ACACA: variants seen among roughly 807,000 people sequenced by gnomAD.
The protein encoded by ACACA is acetyl-CoA carboxylase alpha.
Under a neutral mutation model 296.1 loss-of-function variants are expected in ACACA, and 103 were observed. The observed-to-expected ratio is 0.35, with a 90% CI of 0.30 to 0.41. The LOEUF (loss-of-function observed/expected upper bound fraction) is 0.41, where lower values mean the gene tolerates loss of function less well. ACACA is among the 10% of genes least tolerant of loss of function. The pLI, the probability that ACACA is intolerant of heterozygous loss-of-function variation, is 1.00. For missense variants in ACACA, 1,554 were observed against 2,989.7 expected (o/e 0.52, Z 11.20); for synonymous variants, 953 against 1,038.6 (o/e 0.92, Z 1.58).
At chr17:37,242,145 T>C in intron 22 of ACACA, 92 bp from the exon 23 acceptor site, 1 of 954,582 alleles carries the variant, frequency 1.0e-6, no homozygotes, top group Non-Finnish European at 1.7e-6. Context: ...GGAATCTTCT[T>C]CTTATAACAT....
chr17:37,384,010 A>G (rs940099777), intron 1 of ACACA, among the ~76,000 whole-genome samples: 1 of 152,218 alleles, frequency 6.6e-6, no homozygotes, highest in African/African-American at 2.4e-5. Context: ...TCATGCCTGT[A>G]ATCCCAGCAC....
At chr17:37,096,240 G>A (rs562848285) in intron 54 of ACACA, among the ~76,000 whole-genome samples, 12 of 152,254 alleles carry the variant, frequency 7.9e-5, no homozygotes, top group South Asian at 4.1e-4. Flanking sequence ...AAATACCTGA[G>A]TGGTTTCCGA....
At chr17:37,176,010 A>T (rs149983964) in intron 41 of ACACA, among the ~76,000 whole-genome samples, 5 of 152,314 alleles carry the variant, frequency 3.3e-5, no homozygotes, top group African/African-American at 1.2e-4. Flanking sequence ...CTCAAATGGC[A>T]AAGAAGTTAC....
chr17:37,139,309 C>A (rs1032280820), intron 45 of ACACA, among the ~76,000 whole-genome samples: 2 of 152,226 alleles, frequency 1.3e-5, no homozygotes, highest in Non-Finnish European at 2.9e-5. Context: ...ACCCTACATG[C>A]CACCCAAAGT....
chr17:37,326,917 C>G (rs1371625883), intron 3 of ACACA, among the ~76,000 whole-genome samples: 1 of 152,124 alleles, frequency 6.6e-6, no homozygotes, highest in Non-Finnish European at 1.5e-5. Context: ...TCATCTCCAT[C>G]GCAGGAAAAG....
intron 52 of ACACA, among the ~76,000 whole-genome samples, chr17:37,099,482 G>A (rs941815141): frequency 1.4e-5 from 2 of 142,366 alleles, no homozygotes; most frequent in Admixed American, 7.1e-5. Flanking sequence ...GAGGGCTGAT[G>A]GGAGGAGGGC....
chr17:37,400,385 G>A (rs1412845574), intron 1 of ACACA, among the ~76,000 whole-genome samples: 1 of 152,152 alleles, frequency 6.6e-6, no homozygotes, highest in Non-Finnish European at 1.5e-5. Context: ...CTCCCAAAGT[G>A]CTGGGATTAC....
chr17:37,119,645 C>A (rs1227501119), intron 50 of ACACA, among the ~76,000 whole-genome samples: 1 of 142,964 alleles, frequency 7.0e-6, no homozygotes, highest in Non-Finnish European at 1.5e-5. Flanking sequence ...CACACACAAT[C>A]AACCTAGTCA....
In ACACA at chr17:37,177,867, G is replaced by T. The variant is rs193270885; in HGVS notation, c.5079+1393C>A. Among the ~76,000 whole-genome samples the T allele has an allele frequency of 5.3e-3, 808 of 152,194 alleles. 6 individuals are homozygous for T. Among genetic ancestry groups the T allele is most frequent in the Non-Finnish European group, 7.7e-3 (524 of 68,020 alleles). On this transcript the variant is annotated intron_variant, in intron 41 of 55. Transcript: ENST00000616317. ...CCTACAAGTCTGATACTCTCCATCT[G>T]GTCCAATGCTTGCATCCATCTTGAT...
rs1336858142 is a variant in ACACA at position 37,092,490 on chromosome 17, T to C, written c.6892-3416A>G. Among the ~76,000 whole-genome samples, 15 of 152,340 alleles carry C rather than the reference T, an allele frequency of 9.8e-5. No homozygotes were observed. The South Asian group carries it at 1.4e-3, about 15-fold the overall frequency. On this transcript the variant is annotated intron_variant, in intron 54 of 55. Transcript: ENST00000616317. ...CCTAAAATGAATGTTCAACAGACAC[T>C]TTCTGTCTGCATCAGTGGATAAGTA...
rs774798958 is a variant in ACACA at position 37,283,253 on chromosome 17, T to C, written c.610+14A>G. 6.2e-7 allele frequency: 1 copy of C among 1,614,124 alleles called. No homozygotes were observed. The highest frequency in any genetic ancestry group is 1.1e-5 in the South Asian group (1 of 91,076). ...AGTTTTGAGAGTGATGCTTTCATAATGCTAATAACTCACCTGCATTGGCTT... is the reference window on the plus strand; with the variant it reads ...AGTTTTGAGAGTGATGCTTTCATAACGCTAATAACTCACCTGCATTGGCTT... On this transcript the variant is annotated intron_variant, in intron 5 of 55. Transcript: ENST00000616317.
chr17:37,381,879 G>A (rs1053542302), intron 1 of ACACA, among the ~76,000 whole-genome samples: 3 of 150,858 alleles, frequency 2.0e-5, no homozygotes, highest in Non-Finnish European at 3.0e-5. Flanking sequence ...TGCCCGCCTT[G>A]GCCTCCCAAA....
Position 37,248,017 on chromosome 17 carries a change from A to T in ACACA, c.2303T>A (p.Val768Glu). The T allele has an allele frequency of 6.2e-7, 1 of 1,613,994 alleles. No individual in the cohort carries two copies. The highest frequency in any genetic ancestry group is 8.5e-7 in the Non-Finnish European group (1 of 1,179,996). ...SSYTTYMKEE[V>E]DRYRITIGNK... Reference sequence around the variant, plus strand: ...ACCTCAAACAGCCACTTACCTATCCACTTCCTCTTTCATATACGTAGTATA... The same window carrying T: ...ACCTCAAACAGCCACTTACCTATCCTCTTCCTCTTTCATATACGTAGTATA... The change falls in exon 18 of 56, where the codon GTG (valine) becomes GAG (glutamate). Residue 768 changes from valine to glutamate, a missense_variant. Physicochemically the swap from Val to Glu is moderately radical, Grantham distance 121. This residue lies in a region of ACACA where 316 missense variants were observed against 540.9 expected (regional missense o/e 0.58). Transcript: ENST00000616317.
chr17:37,179,240 G>A lies in ACACA; in HGVS notation c.5079+20C>T. 3 of 1,613,900 alleles carry A rather than the reference G, an allele frequency of 1.9e-6. No homozygotes were observed. The highest frequency in any genetic ancestry group is 2.5e-6 in the Non-Finnish European group (3 of 1,179,864). ...GTGGGCACAGAGATAAGAAAGGGAA[G>A]GGGGGTTTCAACTACTTGCCTCATT... is the stretch of plus-strand genomic sequence containing the variant. On this transcript the variant is annotated intron_variant, in intron 41 of 55. Transcript: ENST00000616317.
chr17:37,347,211 G>A (rs932902813), intron 1 of ACACA, among the ~76,000 whole-genome samples: 1 of 152,110 alleles, frequency 6.6e-6, no homozygotes, highest in Admixed American at 6.6e-5. Context: ...CCCTGCACAA[G>A]CTCTCTCTCT....
At chr17:37,123,382 C>A (rs973455747) in intron 48 of ACACA, among the ~76,000 whole-genome samples, 1 of 152,144 alleles carries the variant, frequency 6.6e-6, no homozygotes. Context: ...AGCCTCTGCA[C>A]CTTATACTCC....
At chr17:37,203,633 C>T (rs2078371799) in intron 33 of ACACA, among the ~76,000 whole-genome samples, 2 of 151,994 alleles carry the variant, frequency 1.3e-5, no homozygotes, top group South Asian at 4.2e-4. Context: ...ATCCCAGCTA[C>T]TCAGGAGTCT....
chr17:37,370,486 A>G (rs1358075599), intron 1 of ACACA, among the ~76,000 whole-genome samples: 1 of 138,962 alleles, frequency 7.2e-6, no homozygotes, highest in Non-Finnish European at 1.6e-5. Context: ...GTCTCTACTA[A>G]AAAAAAAAAA....
At chr17:37,245,453 C>A (rs2080647814) in intron 19 of ACACA, among the ~76,000 whole-genome samples, 1 of 152,126 alleles carries the variant, frequency 6.6e-6, no homozygotes, top group Non-Finnish European at 1.5e-5. Flanking sequence ...ACTTTTACAA[C>A]CATTTTGGCA....
Sources: allele counts gnomAD v4.1 joint callset (sites outside exome capture counted in the v4.1 genomes callset), GRCh38; gene constraint gnomAD v4.1.1; regional missense constraint gnomAD v4.1.1; transcripts MANE v1.5; gene names NCBI Gene and HGNC (gene_info 2026-07-23, HGNC 2026-07-21).